NRG3: variants seen among roughly 807,000 people sequenced by gnomAD.
The protein encoded by NRG3 is neuregulin 3.
Under a neutral mutation model 66.9 loss-of-function variants are expected in NRG3, and 31 were observed. That is an observed-to-expected ratio of 0.46 (90% CI 0.35 to 0.63). The LOEUF (loss-of-function observed/expected upper bound fraction) is 0.63, where lower values mean the gene tolerates loss of function less well. Among genes scored for constraint, NRG3 ranks in the 20% least tolerant of loss-of-function variants. The pLI is 0.00. For synonymous variants in NRG3, 393 were observed against 359.4 expected (o/e 1.09, Z -1.06); for missense variants, 910 against 878.9 (o/e 1.04, Z -0.45).
intron 1 of NRG3, among the ~76,000 whole-genome samples, chr10:82,321,614 AG>A (rs2081583522): frequency 6.6e-6 from 1 of 152,170 alleles, no homozygotes; most frequent in African/African-American, 2.4e-5. Flanking sequence ...TTGACAAGAT[AG>A]GGGCCCACCT....
chr10:82,106,496 T>C (rs1339904652), intron 1 of NRG3, among the ~76,000 whole-genome samples: 1 of 151,218 alleles, frequency 6.6e-6, no homozygotes, highest in Admixed American at 6.6e-5. Context: ...ATTTTGAAAA[T>C]GCATAATTAG....
intron 2 of NRG3, among the ~76,000 whole-genome samples, chr10:82,604,961 A>G (rs2047870941): frequency 6.6e-6 from 1 of 152,122 alleles, no homozygotes; most frequent in South Asian, 2.1e-4. Flanking sequence ...CAATTCACAA[A>G]TAGTTCTTTA....
intron 1 of NRG3, among the ~76,000 whole-genome samples, chr10:82,199,082 T>TGG (rs2074619315): frequency 6.7e-6 from 1 of 149,194 alleles, no homozygotes; most frequent in African/African-American, 2.5e-5. Flanking sequence ...GGCAGGAGAA[T>TGG]TGTTGGAACC....
intron 1 of NRG3, among the ~76,000 whole-genome samples, chr10:82,119,025 A>T (rs1387215664): frequency 3.3e-5 from 5 of 152,172 alleles, no homozygotes; most frequent in African/African-American, 1.2e-4. Flanking sequence ...ATTTTATTGT[A>T]AATTGACAAC....
chr10:82,538,328 C>CAG (rs1342724206), intron 2 of NRG3, among the ~76,000 whole-genome samples: 1 of 152,178 alleles, frequency 6.6e-6, no homozygotes, highest in Admixed American at 6.5e-5. Flanking sequence ...TTTCTAGCTG[C>CAG]AGTTTCTATC....
chr10:81,917,900 G>T (rs1490289558), intron 1 of NRG3, among the ~76,000 whole-genome samples: 1 of 152,156 alleles, frequency 6.6e-6, no homozygotes, highest in East Asian at 1.9e-4. Flanking sequence ...GGAGACATGG[G>T]TGTGGTTTTC....
At chr10:82,563,604 A>G (rs2045199322) in intron 2 of NRG3, among the ~76,000 whole-genome samples, 1 of 151,874 alleles carries the variant, frequency 6.6e-6, no homozygotes, top group Non-Finnish European at 1.5e-5. Context: ...AATATGTCAC[A>G]TACTTATATA....
chr10:82,712,280 A>T (rs1298072861), intron 2 of NRG3, among the ~76,000 whole-genome samples: 1 of 152,242 alleles, frequency 6.6e-6, no homozygotes, highest in Non-Finnish European at 1.5e-5. Context: ...GTTAAAAAAT[A>T]ACAAACCATA....
chr10:82,184,362 T>C (rs2073655291), intron 1 of NRG3, among the ~76,000 whole-genome samples: 1 of 152,036 alleles, frequency 6.6e-6, no homozygotes, highest in African/African-American at 2.4e-5. Context: ...TAAGAACTTG[T>C]CCAAATGGTG....
chr10:82,806,382 C>T (rs144851209), intron 3 of NRG3, among the ~76,000 whole-genome samples: 418 of 152,188 alleles, frequency 2.7e-3, no homozygotes, highest in African/African-American at 9.6e-3. Context: ...CTGTGATTGC[C>T]TTTCTACTTA....
intron 2 of NRG3, among the ~76,000 whole-genome samples, chr10:82,601,084 A>C (rs917850669): frequency 6.6e-6 from 1 of 152,190 alleles, no homozygotes; most frequent in African/African-American, 2.4e-5. Flanking sequence ...TTAGGACAAT[A>C]ACCTTCAGCT....
intron 4 of NRG3, among the ~76,000 whole-genome samples, chr10:82,877,537 C>CTTTT (rs61471998): frequency 2.7e-5 from 2 of 74,966 alleles, no homozygotes; most frequent in Non-Finnish European, 4.7e-5. Flanking sequence ...CCACACCCGG[C>CTTTT]TTTTTTTTTT....
In NRG3 at chr10:81,978,974, A is replaced by G. The variant is rs368878136; in HGVS notation, c.823+102811A>G. 5.5e-3 allele frequency among the ~76,000 whole-genome samples: 830 copies of G among 152,166 alleles called. 3 individuals are homozygous for G. The highest frequency in any genetic ancestry group is 0.019 in the African/African-American group (772 of 41,514). On this transcript the variant is annotated intron_variant, in intron 1 of 8. Transcript: ENST00000372141. ...GGGAGGCCGAGGTGGGCGGATCACAAGGTCAAGAGATCAAGACCATCCTGG... is the reference window on the plus strand; with the variant it reads ...GGGAGGCCGAGGTGGGCGGATCACAGGGTCAAGAGATCAAGACCATCCTGG...
At chr10:82,981,338 T>C (rs575286083) in intron 8 of NRG3, among the ~76,000 whole-genome samples, 2 of 152,224 alleles carry the variant, frequency 1.3e-5, no homozygotes, top group Non-Finnish European at 2.9e-5. Context: ...CCACCAGATG[T>C]TGATAAATGG....
At chr10:82,319,160 A>G (rs1308027222) in intron 1 of NRG3, among the ~76,000 whole-genome samples, 1 of 152,246 alleles carries the variant, frequency 6.6e-6, no homozygotes, top group African/African-American at 2.4e-5. Flanking sequence ...GCAGCATCTG[A>G]AAGAGAAGTA....
chr10:82,637,922 T>C (rs2050305782), intron 2 of NRG3, among the ~76,000 whole-genome samples: 1 of 91,314 alleles, frequency 1.1e-5, no homozygotes, highest in Middle Eastern at 7.0e-3. Context: ...CAGTCATGTA[T>C]AAAAAAATGT....
chr10:82,132,481 T>TATATATATG (rs1564593369), intron 1 of NRG3, among the ~76,000 whole-genome samples: 2 of 7,316 alleles, frequency 2.7e-4, no homozygotes, highest in Admixed American at 1.3e-3. Flanking sequence ...ATATATATGA[T>TATATATATG]ATATATATAT....
intron 1 of NRG3, among the ~76,000 whole-genome samples, chr10:82,241,188 A>G (rs1220743730): frequency 6.6e-6 from 1 of 152,156 alleles, no homozygotes; most frequent in Non-Finnish European, 1.5e-5. Context: ...TATAGATGGC[A>G]TCTAAATGAT....
intron 4 of NRG3, among the ~76,000 whole-genome samples, chr10:82,927,166 G>T (rs1331102892): frequency 6.6e-6 from 1 of 152,160 alleles, no homozygotes; most frequent in Non-Finnish European, 1.5e-5. Flanking sequence ...TGCCGCAGAG[G>T]CCTTGTCTCC....
Sources: allele counts gnomAD v4.1 joint callset (sites outside exome capture counted in the v4.1 genomes callset), GRCh38; gene constraint gnomAD v4.1.1; transcripts MANE v1.5; gene names NCBI Gene and HGNC (gene_info 2026-07-23, HGNC 2026-07-21).